MAF: variants seen among roughly 807,000 people sequenced by gnomAD.
MAF encodes MAF bZIP transcription factor.
A neutral mutation model predicts 22.0 loss-of-function variants in MAF; 10 were observed. That is an observed-to-expected ratio of 0.45 (90% confidence interval 0.28 to 0.77). MAF has a LOEUF of 0.77. MAF is among the 30% of genes least tolerant of loss of function. The pLI, the probability that MAF is intolerant of heterozygous loss-of-function variation, is 0.12. For missense variants in MAF, 544 were observed against 548.4 expected (o/e 0.99, Z 0.08); for synonymous variants, 337 against 255.8 (o/e 1.32, Z -3.03).
the MAF span, among the ~76,000 whole-genome samples, chr16:79,573,654 A>G: frequency 1.2e-3 from 179 of 152,368 alleles, 1 homozygote; most frequent in Non-Finnish European, 2.0e-3. Context: ...GTTCAATGAA[A>G]TCTTAAAATA....
At chr16:79,501,213 C>T in the MAF span, among the ~76,000 whole-genome samples, 4 of 152,196 alleles carry the variant, frequency 2.6e-5, no homozygotes, top group Admixed American at 2.0e-4. Context: ...GTTCTGTCTA[C>T]AACACTCCAG....
chr16:79,323,567 G>C, the MAF span, among the ~76,000 whole-genome samples: 10,166 of 152,192 alleles, frequency 0.067, 431 homozygotes, highest in African/African-American at 0.13. Flanking sequence ...AGAAGTGGCC[G>C]AGTTTTGGAA....
the MAF span, among the ~76,000 whole-genome samples, chr16:79,442,034 C>A: frequency 1.3e-5 from 2 of 152,200 alleles, no homozygotes; most frequent in African/African-American, 4.8e-5. Flanking sequence ...CAGCAGGACC[C>A]AGGAGCTGAG....
rs1913850849 is a variant in MAF at position 79,599,459 on chromosome 16, G to A, written c.444C>T (p.Ala148=). Residue 148 remains alanine (A), a synonymous_variant, in exon 1 of 2, where the codon GCC becomes GCT. Transcript: ENST00000326043. The stretch of plus-strand genomic sequence containing the variant: ...TCTCCTCGCCGCTGCCGCCCAAGGA[G>A]GCGCCGGCACCGGCCCCGGCCGCCG... The part of the protein sequence containing the change: ...LAAAAGAGAG[A]SLGGSGEEMG... 2.3e-6 allele frequency: 3 copies of A among 1,316,410 alleles called. No individual in the cohort carries two copies. Among genetic ancestry groups the A allele is most frequent in the African/African-American group, 3.1e-5 (2 of 64,318 alleles). The allele number at this position is 1,316,410 out of a possible 1,614,324, so 81.5% of individuals were successfully genotyped here.
At chr16:79,404,667 T>A in the MAF span, among the ~76,000 whole-genome samples, 2 of 151,908 alleles carry the variant, frequency 1.3e-5, no homozygotes, top group African/African-American at 4.8e-5. Flanking sequence ...GAATACTACT[T>A]ATTCTTAACT....
chr16:79,295,773 G>A, the MAF span, among the ~76,000 whole-genome samples: 3 of 152,356 alleles, frequency 2.0e-5, no homozygotes, highest in South Asian at 6.2e-4. Context: ...ACAGTGGTAA[G>A]TGGTCCACAA....
chr16:79,326,983 C>T, the MAF span, among the ~76,000 whole-genome samples: 2 of 152,188 alleles, frequency 1.3e-5, no homozygotes, highest in Non-Finnish European at 2.9e-5. Flanking sequence ...TTGCCCAAGG[C>T]AATTCATAAC....
the MAF span, among the ~76,000 whole-genome samples, chr16:79,268,611 A>C: frequency 6.6e-6 from 1 of 152,234 alleles, no homozygotes; most frequent in Non-Finnish European, 1.5e-5. Context: ...AAAATTAAGG[A>C]AGAAACAATG....
At chr16:79,228,783 T>G in the MAF span, among the ~76,000 whole-genome samples, 1 of 151,012 alleles carries the variant, frequency 6.6e-6, no homozygotes, top group East Asian at 1.9e-4. Flanking sequence ...ATAATGGTGG[T>G]GGGGGGTTAG....
chr16:79,219,508 G>C, the MAF span, among the ~76,000 whole-genome samples: 1 of 130,902 alleles, frequency 7.6e-6, no homozygotes, highest in East Asian at 2.3e-4. Context: ...CGGACATCGC[G>C]CCACTGCACT....
chr16:79,420,590 G>A, the MAF span, among the ~76,000 whole-genome samples: 1 of 152,138 alleles, frequency 6.6e-6, no homozygotes, highest in Admixed American at 6.5e-5. Flanking sequence ...CCAGAGTGGT[G>A]CATTGGCCAC....
chr16:79,319,969 A>C, the MAF span, among the ~76,000 whole-genome samples: 1 of 152,220 alleles, frequency 6.6e-6, no homozygotes, highest in Non-Finnish European at 1.5e-5. Flanking sequence ...TATTTAAAAT[A>C]TGCAGCTCTT....
the MAF span, among the ~76,000 whole-genome samples, chr16:79,456,496 A>C: frequency 6.6e-6 from 1 of 152,176 alleles, no homozygotes; most frequent in Non-Finnish European, 1.5e-5. Flanking sequence ...ATCCCCTTAC[A>C]TTCAAGAAAT....
chr16:79,303,006 G>A, the MAF span, among the ~76,000 whole-genome samples: 4,805 of 152,280 alleles, frequency 0.032, 87 homozygotes, highest in East Asian at 0.065. Flanking sequence ...TGCTTCTGAC[G>A]GTACCTTCCA....
chr16:79,410,524 T>C, the MAF span, among the ~76,000 whole-genome samples: 1 of 152,174 alleles, frequency 6.6e-6, no homozygotes, highest in Admixed American at 6.5e-5. Flanking sequence ...GTATGAATCG[T>C]GCCCTGCGCT....
At chr16:79,229,512 A>C in the MAF span, 4 of 152,100 alleles carry the variant, frequency 2.6e-5, no homozygotes, top group South Asian at 4.1e-4. Flanking sequence ...AGGGACTCAT[A>C]AAAGTGTCAG....
At chr16:79,376,160 C>A in the MAF span, among the ~76,000 whole-genome samples, 1 of 151,618 alleles carries the variant, frequency 6.6e-6, no homozygotes, top group Non-Finnish European at 1.5e-5. Flanking sequence ...AATGTTACTT[C>A]TTCGTATGTA....
chr16:79,211,089 C>G, the MAF span, among the ~76,000 whole-genome samples: 2 of 149,744 alleles, frequency 1.3e-5, no homozygotes, highest in African/African-American at 2.4e-5. Flanking sequence ...ATTGCCAACC[C>G]TTCCCCTAGC....
chr16:79,473,773 A>G, the MAF span, among the ~76,000 whole-genome samples: 5 of 152,260 alleles, frequency 3.3e-5, no homozygotes, highest in South Asian at 1.0e-3. Context: ...ACTGAAATGG[A>G]TTTTACACTT....
Sources: allele counts gnomAD v4.1 joint callset (sites outside exome capture counted in the v4.1 genomes callset), GRCh38; gene constraint gnomAD v4.1.1; transcripts MANE v1.5; gene names NCBI Gene and HGNC (gene_info 2026-07-23, HGNC 2026-07-21).